Variants in RAB5A observed in about 807,000 individuals in gnomAD.
RAB5A encodes RAB5A, member RAS oncogene family.
Under a neutral mutation model 25.7 loss-of-function variants are expected in RAB5A, and 8 were observed. That is an observed-to-expected ratio of 0.31 (90% CI 0.18 to 0.56). RAB5A has a LOEUF of 0.56. Among genes scored for constraint, RAB5A ranks in the 20% least tolerant of loss-of-function variants. The pLI is 0.91. For synonymous variants in RAB5A, 98 were observed against 89.8 expected, an observed-to-expected ratio of 1.09 and a Z score of -0.52; for missense variants, 192 against 259.7, an observed-to-expected ratio of 0.74 and a Z score of 1.79.
chr3:19,958,713 A>C (rs962080529), intron 2 of RAB5A, among the ~76,000 whole-genome samples: 3 of 152,198 alleles, frequency 2.0e-5, no homozygotes, highest in Non-Finnish European at 4.4e-5. Flanking sequence ...GCGTGGTGTC[A>C]TGTGCCTGTA....
intron 5 of RAB5A, among the ~76,000 whole-genome samples, chr3:19,981,913 A>G (rs1296575401): frequency 6.6e-6 from 1 of 152,180 alleles, no homozygotes; most frequent in African/African-American, 2.4e-5. Context: ...AGGTACAGCT[A>G]CTGGTCAGTC....
chr3:19,947,623 C>T (rs1696340606), intron 1 of RAB5A, 102 bp downstream of exon 1: 1 of 152,784 alleles, frequency 6.5e-6, no homozygotes, highest in African/African-American at 2.4e-5. Context: ...GACCCCCCAC[C>T]CCTTCTCCCT....
chr3:19,968,572 C>T (rs1696692619), intron 2 of RAB5A, among the ~76,000 whole-genome samples: 1 of 152,178 alleles, frequency 6.6e-6, no homozygotes, highest in South Asian at 2.1e-4. Context: ...TATTCTTATG[C>T]CTCAGCCTCC....
rs1251104604 is a variant in RAB5A, at chr3:19,947,458, G to A, written c.-157G>A. 1 of 154,346 alleles carries A rather than the reference G, an allele frequency of 6.5e-6. No individual in the cohort carries two copies. The highest frequency in any genetic ancestry group is 6.5e-5 in the Admixed American group (1 of 15,314). The allele number at this position is 154,346 out of a possible 1,614,324, so 9.6% of individuals were successfully genotyped here. On this transcript the variant is annotated 5_prime_UTR_variant, in exon 1 of 6. Coordinates refer to ENST00000273047, the MANE Select transcript of RAB5A (RefSeq NM_004162.5). ...GCCATAGATACACTCTCATCCTACGGGCCACGCCTGGGCCTTGCTGCCAGG... is the reference window on the plus strand; with the variant it reads ...GCCATAGATACACTCTCATCCTACGAGCCACGCCTGGGCCTTGCTGCCAGG...
intron 5 of RAB5A, among the ~76,000 whole-genome samples, chr3:19,980,519 A>ATTGAT (rs1696905021): frequency 6.6e-6 from 1 of 151,534 alleles, no homozygotes; most frequent in Non-Finnish European, 1.5e-5. Flanking sequence ...CAGTGCACTC[A>ATTGAT]TAACAACTCT....
At chr3:19,959,661 T>C (rs1172048706) in intron 2 of RAB5A, among the ~76,000 whole-genome samples, 2 of 148,138 alleles carry the variant, frequency 1.4e-5, no homozygotes, top group African/African-American at 2.5e-5. Flanking sequence ...AGGGTCTTGC[T>C]CTGTTGCCCA....
At chr3:19,954,849 C>G (rs1000612387) in intron 2 of RAB5A, among the ~76,000 whole-genome samples, 2 of 152,054 alleles carry the variant, frequency 1.3e-5, no homozygotes, top group African/African-American at 4.8e-5. Flanking sequence ...TCCCTGTTGC[C>G]TCACCATACT....
chr3:19,979,778 G>C (rs1488702878), intron 5 of RAB5A, among the ~76,000 whole-genome samples: 1 of 151,824 alleles, frequency 6.6e-6, no homozygotes, highest in African/African-American at 2.4e-5. Context: ...TGTTTTGGTG[G>C]TTCTCAAAGT....
intron 2 of RAB5A, among the ~76,000 whole-genome samples, chr3:19,965,243 T>C (rs1336366084): frequency 1.3e-5 from 2 of 152,020 alleles, no homozygotes; most frequent in East Asian, 3.9e-4. Flanking sequence ...TTTCAAACAA[T>C]GTGCATCAGT....
intron 2 of RAB5A, among the ~76,000 whole-genome samples, chr3:19,968,707 T>C (rs974204345): frequency 1.3e-5 from 2 of 152,200 alleles, no homozygotes; most frequent in African/African-American, 4.8e-5. Context: ...GTGATCCTCC[T>C]GCCTCAGCCT....
chr3:19,972,788 T>A (rs1696768941), intron 2 of RAB5A, among the ~76,000 whole-genome samples: 3 of 152,238 alleles, frequency 2.0e-5, no homozygotes, highest in Non-Finnish European at 4.4e-5. Flanking sequence ...TTCTTTGTAT[T>A]TGGCATTTTT....
At chr3:19,963,604 T>A (rs1183901451) in intron 2 of RAB5A, among the ~76,000 whole-genome samples, 1 of 152,094 alleles carries the variant, frequency 6.6e-6, no homozygotes, top group African/African-American at 2.4e-5. Flanking sequence ...CTCTGTTTAG[T>A]CTTCTTTTCT....
intron 1 of RAB5A, among the ~76,000 whole-genome samples, chr3:19,950,486 T>G (rs1337303052): frequency 1.3e-5 from 2 of 152,226 alleles, no homozygotes; most frequent in East Asian, 3.8e-4. Flanking sequence ...TCAATTAAGC[T>G]TCTTAACATC....
Position 19,959,770 on chromosome 3 carries a change from G to A in RAB5A, c.163+8709G>A, listed in dbSNP as rs551486538. On this transcript the variant is annotated intron_variant, in intron 2 of 5. Coordinates refer to ENST00000273047, the MANE Select transcript of RAB5A (RefSeq NM_004162.5). ...GCCTCCCAAGTAGCTGGGACTACAG[G>A]TGTGCACCACCATGCCTGGCTAATT... is the stretch of plus-strand genomic sequence containing the variant. Among the ~76,000 whole-genome samples, 163 of 151,890 alleles carry A rather than the reference G, an allele frequency of 1.1e-3. 1 individual carries two copies. Among genetic ancestry groups the A allele is most frequent in the Non-Finnish European group, 9.0e-4 (61 of 67,988 alleles).
At chr3:19,975,776 T>C (rs1290055810) in intron 3 of RAB5A, 24 bp downstream of exon 3, 1 of 1,576,796 alleles carries the variant, frequency 6.3e-7, no homozygotes, top group Non-Finnish European at 8.6e-7. Context: ...CATTCCACAG[T>C]AAAACTAATT....
intron 2 of RAB5A, among the ~76,000 whole-genome samples, chr3:19,953,532 C>A (rs1473936229): frequency 2.0e-5 from 3 of 151,888 alleles, no homozygotes; most frequent in Non-Finnish European, 4.4e-5. Context: ...CTCAGCCCCC[C>A]AAGTAGCTGG....
chr3:19,982,440 T>C (rs1193566281), intron 5 of RAB5A, among the ~76,000 whole-genome samples: 2 of 152,230 alleles, frequency 1.3e-5, no homozygotes, highest in Non-Finnish European at 1.5e-5. Flanking sequence ...TTATCTGTCC[T>C]TCCTTTGCCC....
At chr3:19,957,666 G>A (rs565864339) in intron 2 of RAB5A, among the ~76,000 whole-genome samples, 16 of 150,968 alleles carry the variant, frequency 1.1e-4, no homozygotes, top group Admixed American at 7.9e-4. Context: ...CTGTCGCGGA[G>A]GTTGCAGTGA....
chr3:19,971,624 A>G (rs1696753529), intron 2 of RAB5A, among the ~76,000 whole-genome samples: 1 of 152,036 alleles, frequency 6.6e-6, no homozygotes, highest in Non-Finnish European at 1.5e-5. Flanking sequence ...GGCATGCACC[A>G]CCATGCCTGG....
Sources: gnomAD v4.1 joint callset for allele counts (sites outside exome capture counted in the v4.1 genomes callset) on GRCh38, gnomAD v4.1.1 for gene constraint, MANE v1.5 for transcripts, NCBI Gene and HGNC (gene_info 2026-07-23, HGNC 2026-07-21) for gene names.